Variants in PLS3 observed in about 807,000 individuals in gnomAD.
PLS3 encodes the protein plastin-3.
PLS3 carries 11 observed loss-of-function variants against 46.5 expected under a neutral mutation model. That is an observed-to-expected ratio of 0.24 (90% CI 0.15 to 0.39). The LOEUF is 0.39. Ranked by LOEUF, PLS3 falls within the 10% of genes least tolerant of loss-of-function variation. The probability of loss-of-function intolerance (pLI) is 1.00; values close to 1 mark genes in which losing one functional copy is unlikely to be tolerated. For missense variants in PLS3, 308 were observed against 461.8 expected (o/e 0.67, Z 3.05); for synonymous variants, 167 against 162.2 (o/e 1.03, Z -0.22).
intron 9 of PLS3, among the ~76,000 whole-genome samples, chrX:115,640,832 C>T (rs1025509454): frequency 1.8e-5 from 2 of 111,356 alleles, no homozygotes; most frequent in Admixed American, 1.9e-4. Flanking sequence ...TATATGAAAA[C>T]CTTTTCCAAG....
At chrX:115,625,545 A>G (rs973065098) in intron 3 of PLS3, among the ~76,000 whole-genome samples, 6 of 109,454 alleles carry the variant, frequency 5.5e-5, no homozygotes, top group Non-Finnish European at 1.1e-4. Flanking sequence ...AGTCTTGGAC[A>G]TATAGTAAAT....
rs1176993196 is a variant in PLS3 at position 115,622,542 on chromosome X, T to C, written c.237+133T>C. 3.4e-5 allele frequency: 13 copies of C among 382,541 alleles called. No homozygotes were observed. In the Admixed American group the frequency reaches 5.4e-4, roughly 16 times the overall value. The allele number at this position is 382,541 out of a possible 1,213,427, so 31.5% of individuals were successfully genotyped here. On this transcript the variant is annotated intron_variant, in intron 3 of 15. Transcript: ENST00000355899. ...TAGTACTGTTATAACATTTCTGTCATCCTGCCCACTAAATGTACTTCTTTT... is the reference window on the plus strand; with the variant it reads ...TAGTACTGTTATAACATTTCTGTCACCCTGCCCACTAAATGTACTTCTTTT...
At chrX:115,645,766 ATTGT>A (rs1205115991) in intron 11 of PLS3, among the ~76,000 whole-genome samples, 3 of 111,105 alleles carry the variant, frequency 2.7e-5, no homozygotes, top group Non-Finnish European at 3.8e-5. Context: ...TACCCCCCGT[ATTGT>A]TTGTTTATCC....
At chrX:115,642,603 A>T (rs1556641157) in intron 9 of PLS3, among the ~76,000 whole-genome samples, 2 of 111,656 alleles carry the variant, frequency 1.8e-5, no homozygotes, top group East Asian at 5.6e-4. Flanking sequence ...CCACTCTGTC[A>T]TGAAGCTCAT....
chrX:115,581,319 T>TA (rs1199294936), intron 1 of PLS3, among the ~76,000 whole-genome samples: 1 of 111,778 alleles, frequency 8.9e-6, no homozygotes, highest in Non-Finnish European at 1.9e-5. Context: ...AAATTTAGGG[T>TA]AATGGAGTTT....
intron 2 of PLS3, chrX:115,614,610 T>C: frequency 1.5e-6 from 1 of 647,218 alleles, no homozygotes; most frequent in Non-Finnish European, 1.8e-6. Context: ...TTCTAAGGAT[T>C]TAATGCCTAA....
intron 1 of PLS3, among the ~76,000 whole-genome samples, chrX:115,609,736 A>G (rs5987943): frequency 0.015 from 1,682 of 112,737 alleles, 22 homozygotes; most frequent in African/African-American, 0.047. Flanking sequence ...GCATTTTTAT[A>G]TCAAAACCAG....
intron 1 of PLS3, among the ~76,000 whole-genome samples, chrX:115,603,352 T>G (rs1321628819): frequency 2.7e-5 from 3 of 111,422 alleles, no homozygotes; most frequent in African/African-American, 9.8e-5. Flanking sequence ...TTCCTGTGTC[T>G]TATATGTTTA....
At chrX:115,637,797 G>C (rs1217221912) in intron 8 of PLS3, among the ~76,000 whole-genome samples, 1 of 111,963 alleles carries the variant, frequency 8.9e-6, no homozygotes, top group Non-Finnish European at 1.9e-5. Context: ...ACTATGTGAT[G>C]ATATGATTTT....
chrX:115,594,623 C>T (rs1556633554), intron 1 of PLS3, among the ~76,000 whole-genome samples: 1 of 99,617 alleles, frequency 1.0e-5, no homozygotes, highest in Non-Finnish European at 2.0e-5. Flanking sequence ...CTTGCCTAGC[C>T]TCTCTCTCTC....
intron 1 of PLS3, among the ~76,000 whole-genome samples, chrX:115,603,591 TTCTCTCTCCC>T (rs1231698839): frequency 2.4e-4 from 27 of 111,201 alleles, no homozygotes; most frequent in Non-Finnish European, 2.4e-4. Flanking sequence ...TCAGTTCTCT[TTCTCTCTCCC>T]TCTCTCTCAT....
At chrX:115,630,088 C>T in intron 5 of PLS3, 121 bp downstream of exon 5, 2 of 497,158 alleles carry the variant, frequency 4.0e-6, no homozygotes, top group Non-Finnish European at 6.5e-6. Context: ...GAAAATTATC[C>T]AGGTTCTGCC....
chrX:115,634,832 A>G, intron 6 of PLS3, 49 bp from the exon 7 acceptor site: 1 of 1,122,756 alleles, frequency 8.9e-7, no homozygotes, highest in East Asian at 3.0e-5. Context: ...GTAGACTGCT[A>G]AAAAATGGAA....
At chrX:115,622,174 A>G (rs1556637703) in intron 2 of PLS3, 72 bp from the exon 3 acceptor site, 1 of 845,330 alleles carries the variant, frequency 1.2e-6, no homozygotes, top group East Asian at 3.2e-5. Context: ...TGAACCTCAA[A>G]TGAAGGGAAA....
At chrX:115,600,329 G>A (rs2074430793) in intron 1 of PLS3, among the ~76,000 whole-genome samples, 1 of 105,994 alleles carries the variant, frequency 9.4e-6, no homozygotes, top group Admixed American at 1.0e-4. Context: ...GTCTCGCTAT[G>A]TTGTACAGGT....
intron 11 of PLS3, among the ~76,000 whole-genome samples, chrX:115,645,502 G>A (rs1556641563): frequency 9.1e-6 from 1 of 110,229 alleles, no homozygotes; most frequent in African/African-American, 3.3e-5. Context: ...AGGTAAAAAA[G>A]AAAGAAACAG....
Position 115,586,609 on chromosome X carries a change from G to C in PLS3, c.-8-23634G>C, listed in dbSNP as rs782756844. ...CAGGAGAATCGCTTGAACTCGGGAG[G>C]GGGAGGTTGCAGTGAGCCAAGATTG... On this transcript the variant is annotated intron_variant, in intron 1 of 15. Coordinates refer to ENST00000355899, the MANE Select transcript of PLS3 (RefSeq NM_005032.7). Among the ~76,000 whole-genome samples the C allele has an allele frequency of 4.3e-4, 46 of 106,644 alleles. 1 individual carries two copies. The South Asian group carries it at 0.02, about 46-fold the overall frequency. 92.6% of individuals were successfully genotyped at this position (106,644 alleles called of 115,157 possible).
intron 1 of PLS3, among the ~76,000 whole-genome samples, chrX:115,599,485 C>T (rs2074420949): frequency 1.0e-5 from 1 of 95,373 alleles, no homozygotes; most frequent in African/African-American, 4.0e-5. Context: ...CATGCCACTG[C>T]ACTGCAGCCT....
At chrX:115,603,786 A>T (rs1015754343) in intron 1 of PLS3, among the ~76,000 whole-genome samples, 2 of 111,311 alleles carry the variant, frequency 1.8e-5, no homozygotes, top group Non-Finnish European at 3.8e-5. Flanking sequence ...TAAACACATA[A>T]AGTCCACTTT....
Sources: allele counts gnomAD v4.1 joint callset (sites outside exome capture counted in the v4.1 genomes callset), GRCh38; gene constraint gnomAD v4.1.1; transcripts MANE v1.5; gene names NCBI Gene and HGNC (gene_info 2026-07-23, HGNC 2026-07-21).